Variants in CELF4 observed in about 807,000 individuals in gnomAD.
CELF4 encodes CUGBP Elav-like family member 4.
A neutral mutation model predicts 59.9 loss-of-function variants in CELF4; 18 were observed. That is an observed-to-expected ratio of 0.30 (90% confidence interval 0.21 to 0.45). The LOEUF is 0.45. Ranked by LOEUF, CELF4 falls within the 20% of genes least tolerant of loss-of-function variation. The pLI, the probability that CELF4 is intolerant of heterozygous loss-of-function variation, is 1.00. For synonymous variants in CELF4, 261 were observed against 267.1 expected (o/e 0.98, Z 0.22); for missense variants, 456 against 689.0 (o/e 0.66, Z 3.79).
chr18:37,266,359 C>CG, intron 9 of CELF4, 174 bp downstream of exon 9: 6 of 685,916 alleles, frequency 8.7e-6, no homozygotes, highest in East Asian at 2.8e-5. Context: ...CTCTCGGTGG[C>CG]CCGCTGACAA....
At chr18:37,400,930 TTG>T (rs1007562811) in intron 2 of CELF4, among the ~76,000 whole-genome samples, 2 of 152,234 alleles carry the variant, frequency 1.3e-5, no homozygotes, top group Admixed American at 6.5e-5. Flanking sequence ...GGCGGCTGAT[TTG>T]TGTGTCACTA....
chr18:37,419,614 G>A (rs974143076), intron 2 of CELF4, among the ~76,000 whole-genome samples: 4 of 152,156 alleles, frequency 2.6e-5, no homozygotes, highest in East Asian at 1.9e-4. Context: ...GTGGACACAC[G>A]TTCTCCTATG....
At chr18:37,520,858 C>CCAG (rs1157770576) in intron 1 of CELF4, among the ~76,000 whole-genome samples, 8 of 152,110 alleles carry the variant, frequency 5.3e-5, no homozygotes, top group Non-Finnish European at 1.2e-4. Flanking sequence ...AGTGTCAATG[C>CCAG]CAGGGCTTCA....
At chr18:37,287,923 A>G (rs1252290111) in intron 3 of CELF4, among the ~76,000 whole-genome samples, 1 of 152,236 alleles carries the variant, frequency 6.6e-6, no homozygotes, top group Admixed American at 6.5e-5. Flanking sequence ...GTAAATGTGG[A>G]TGGATGGGTG....
chr18:37,284,721 G>A (rs2094563613), intron 3 of CELF4, among the ~76,000 whole-genome samples: 1 of 152,226 alleles, frequency 6.6e-6, no homozygotes, highest in Non-Finnish European at 1.5e-5. Flanking sequence ...AGATCAACAA[G>A]AAGAATCACA....
At chr18:37,327,171 C>T (rs932039159) in intron 2 of CELF4, among the ~76,000 whole-genome samples, 3 of 152,116 alleles carry the variant, frequency 2.0e-5, no homozygotes, top group Admixed American at 6.5e-5. Context: ...CCAACCTCGC[C>T]GCTTCCCCTG....
chr18:37,488,944 A>G (rs1457111986), intron 1 of CELF4, among the ~76,000 whole-genome samples: 2 of 152,232 alleles, frequency 1.3e-5, no homozygotes, highest in East Asian at 3.9e-4. Context: ...AATGGCCCTC[A>G]GAAGCTTGTG....
At chr18:37,297,422 C>G (rs1163399731) in intron 3 of CELF4, among the ~76,000 whole-genome samples, 1 of 152,230 alleles carries the variant, frequency 6.6e-6, no homozygotes, top group Non-Finnish European at 1.5e-5. Flanking sequence ...GCACGGTCCT[C>G]CCGCAGCAGC....
intron 1 of CELF4, among the ~76,000 whole-genome samples, chr18:37,492,231 C>T (rs2154603515): frequency 6.6e-6 from 1 of 152,240 alleles, no homozygotes; most frequent in Non-Finnish European, 1.5e-5. Flanking sequence ...GCCCACTAGC[C>T]AGACCTAGGG....
At chr18:37,390,177 C>T (rs888879980) in intron 2 of CELF4, among the ~76,000 whole-genome samples, 1 of 152,204 alleles carries the variant, frequency 6.6e-6, no homozygotes, top group African/African-American at 2.4e-5. Context: ...TGTCCATGAG[C>T]GTGCGCCACA....
At chr18:37,368,809 C>T (rs1472112427) in intron 2 of CELF4, among the ~76,000 whole-genome samples, 1 of 152,220 alleles carries the variant, frequency 6.6e-6, no homozygotes, top group Non-Finnish European at 1.5e-5. Context: ...AGTGAGCTGC[C>T]CATGCACACC....
chr18:37,422,600 G>A (rs1786824), intron 2 of CELF4, among the ~76,000 whole-genome samples: 139,260 of 152,260 alleles, frequency 0.91, 65,014 homozygotes, highest in East Asian at 1. Context: ...TTAAGCATGT[G>A]GGAGTGAATG....
intron 2 of CELF4, among the ~76,000 whole-genome samples, chr18:37,435,931 G>A (rs2099690253): frequency 6.6e-6 from 1 of 152,184 alleles, no homozygotes; most frequent in African/African-American, 2.4e-5. Context: ...GGACAGAGTG[G>A]TGTCTCCCTA....
intron 1 of CELF4, among the ~76,000 whole-genome samples, chr18:37,540,669 G>A (rs981614715): frequency 2.6e-5 from 4 of 152,186 alleles, no homozygotes; most frequent in Admixed American, 6.5e-5. Flanking sequence ...AGCAGTTCCC[G>A]CTCTCCCTGC....
chr18:37,312,387 C>T lies in CELF4; in HGVS notation c.448+9416G>A, dbSNP rs530665909. Among the ~76,000 whole-genome samples, 36 of 152,290 alleles carry T rather than the reference C, an allele frequency of 2.4e-4. No individual in the cohort carries two copies. In the South Asian group the frequency reaches 7.0e-3, roughly 30 times the overall value. On this transcript the variant is annotated intron_variant, in intron 3 of 12. Coordinates refer to ENST00000420428, the MANE Select transcript of CELF4 (RefSeq NM_020180.4). ...CTAAACTTTCAAACCACCTGCACAG[C>T]GCCTGTCTGAGCACCACGGACTGCC...
intron 1 of CELF4, among the ~76,000 whole-genome samples, chr18:37,504,767 T>C (rs1269454307): frequency 6.6e-6 from 1 of 152,202 alleles, no homozygotes; most frequent in Non-Finnish European, 1.5e-5. Flanking sequence ...ATTTTCATTT[T>C]TTGGCGTGTC....
At chr18:37,375,973 C>T (rs2098964364) in intron 2 of CELF4, among the ~76,000 whole-genome samples, 1 of 152,132 alleles carries the variant, frequency 6.6e-6, no homozygotes, top group South Asian at 2.1e-4. Flanking sequence ...CTTTGCTTTT[C>T]CTGTAACAAA....
chr18:37,386,651 G>A (rs1359234866), intron 2 of CELF4, among the ~76,000 whole-genome samples: 1 of 152,260 alleles, frequency 6.6e-6, no homozygotes, highest in South Asian at 2.1e-4. Context: ...GCCATTAAAC[G>A]AGATTGGAAA....
Position 37,542,837 on chromosome 18 carries a change from G to A in CELF4, c.286+22519C>T, listed in dbSNP as rs1006135728. 2.0e-5 allele frequency among the ~76,000 whole-genome samples: 3 copies of A among 152,086 alleles called. No individual in the cohort carries two copies. The South Asian group carries it at 6.2e-4, about 32-fold the overall frequency. On this transcript the variant is annotated intron_variant, in intron 1 of 12. Coordinates refer to ENST00000420428, the MANE Select transcript of CELF4 (RefSeq NM_020180.4). Reference sequence around the variant, plus strand: ...ATTCTTGACTTACAGGTTAGGAGACGCTCCAAGCTCCAGGAATGAAATGCC... The same window carrying A: ...ATTCTTGACTTACAGGTTAGGAGACACTCCAAGCTCCAGGAATGAAATGCC...
Sources: allele counts gnomAD v4.1 joint callset (sites outside exome capture counted in the v4.1 genomes callset), GRCh38; gene constraint gnomAD v4.1.1; transcripts MANE v1.5; gene names NCBI Gene and HGNC (gene_info 2026-07-23, HGNC 2026-07-21).